The following ZFHX3 variants were observed in gnomAD, a reference collection of about 807,000 sequenced individuals.
The protein encoded by ZFHX3 is zinc finger homeobox 3.
ZFHX3 carries 42 observed loss-of-function variants against 279.1 expected under a neutral mutation model. The observed-to-expected ratio is 0.15, with a 90% CI of 0.12 to 0.19. ZFHX3 has a LOEUF of 0.19. Ranked by LOEUF, ZFHX3 falls within the 10% of genes least tolerant of loss-of-function variation. The pLI, the probability that ZFHX3 is intolerant of heterozygous loss-of-function variation, is 1.00. For missense variants in ZFHX3, 4,981 were observed against 4,754.0 expected (o/e 1.05, Z -1.40); for synonymous variants, 2,293 against 1,957.8 (o/e 1.17, Z -4.52).
chr16:73,384,892 A>T (rs2016871948), intron 3 of ZFHX3, among the ~76,000 whole-genome samples: 1 of 152,206 alleles, frequency 6.6e-6, no homozygotes, highest in South Asian at 2.1e-4. Context: ...CCCAATCAGC[A>T]TCTTGCATCC....
At chr16:72,951,135 A>T (rs920017347) in intron 2 of ZFHX3, among the ~76,000 whole-genome samples, 170 bp from the exon 3 acceptor site, 1 of 152,162 alleles carries the variant, frequency 6.6e-6, no homozygotes, top group Non-Finnish European at 1.5e-5. Flanking sequence ...AAACAAACAC[A>T]GTCAACCTGA....
At chr16:73,620,184 G>T (rs556353990) in intron 2 of ZFHX3, among the ~76,000 whole-genome samples, 1 of 152,100 alleles carries the variant, frequency 6.6e-6, no homozygotes, top group African/African-American at 2.4e-5. Context: ...GATGGGTGGG[G>T]GCACCCAGCA....
chr16:73,150,982 AC>A (rs1258924564), intron 5 of ZFHX3, among the ~76,000 whole-genome samples: 1 of 152,228 alleles, frequency 6.6e-6, no homozygotes, highest in African/African-American at 2.4e-5. Context: ...GAAGTCTTAC[AC>A]AGAATGGGCA....
chr16:73,141,948 T>C (rs1457015674), intron 6 of ZFHX3, among the ~76,000 whole-genome samples: 1 of 152,212 alleles, frequency 6.6e-6, no homozygotes, highest in East Asian at 1.9e-4. Flanking sequence ...TCAGGGTTTA[T>C]ACTGAGTTGG....
At chr16:73,888,993 C>T (rs1012274407) in intron 1 of ZFHX3, among the ~76,000 whole-genome samples, 4 of 151,470 alleles carry the variant, frequency 2.6e-5, no homozygotes, top group Non-Finnish European at 5.9e-5. Context: ...TCATCAAACA[C>T]CTCCAGGCTC....
rs558493293 is a variant in ZFHX3, at chr16:73,729,443, C to T, written c.-1607-49203G>A. On this transcript the variant is annotated intron_variant, in intron 1 of 17. Transcript: ENST00000641206. ...ACTTGGGAGGCTGAGTCTGGAGAAT[C>T]GCTTGAACCTGGGCGGCAGAGGCTG... 2.4e-3 allele frequency among the ~76,000 whole-genome samples: 363 copies of T among 152,202 alleles called. 2 individuals carry two copies. Among genetic ancestry groups the T allele is most frequent in the South Asian group, 0.014 (67 of 4,820 alleles).
At chr16:73,716,433 C>T (rs945309389) in intron 1 of ZFHX3, among the ~76,000 whole-genome samples, 2 of 152,104 alleles carry the variant, frequency 1.3e-5, no homozygotes, top group Non-Finnish European at 2.9e-5. Flanking sequence ...GCCAGGAAAT[C>T]GCAATTAAAA....
intron 1 of ZFHX3, among the ~76,000 whole-genome samples, chr16:73,853,904 T>G (rs1423339248): frequency 1.3e-5 from 2 of 152,200 alleles, no homozygotes; most frequent in Non-Finnish European, 2.9e-5. Context: ...TTGTTGTAAG[T>G]GACAATAGGT....
At position 73,327,587 on chromosome 16, in the gene ZFHX3, C is replaced by T. The variant is rs971427153; in HGVS notation, c.-1290-9251G>A. On this transcript the variant is annotated intron_variant, in intron 3 of 17. Coordinates refer to the ZFHX3 transcript ENST00000641206. Reference sequence around the variant, plus strand: ...ACCTGGCAGATGAATGAAAGATGCTCCAAGGATAACCTAAATTGGACTTCA... The same window carrying T: ...ACCTGGCAGATGAATGAAAGATGCTTCAAGGATAACCTAAATTGGACTTCA... Among the ~76,000 whole-genome samples, 7 of 152,172 alleles carry T rather than the reference C, an allele frequency of 4.6e-5. 1 individual carries two copies. The highest frequency in any genetic ancestry group is 2.0e-4 in the Admixed American group (3 of 15,282).
intron 2 of ZFHX3, among the ~76,000 whole-genome samples, chr16:73,662,231 C>T (rs1004188805): frequency 6.6e-6 from 1 of 152,138 alleles, no homozygotes; most frequent in Non-Finnish European, 1.5e-5. Context: ...AGCATTATAA[C>T]CAATTATTAG....
intron 1 of ZFHX3, among the ~76,000 whole-genome samples, chr16:73,033,657 A>G (rs937958141): frequency 6.6e-6 from 1 of 152,006 alleles, no homozygotes; most frequent in African/African-American, 2.4e-5. Context: ...ACACTTTCAC[A>G]GTTTTTTTCC....
chr16:73,277,257 C>G (rs1474642621), intron 4 of ZFHX3, among the ~76,000 whole-genome samples: 5 of 152,156 alleles, frequency 3.3e-5, no homozygotes, highest in Admixed American at 3.3e-4. Flanking sequence ...TCCTTGTTTT[C>G]TATCGAATGA....
At chr16:73,256,715 T>C (rs1384942780) in intron 5 of ZFHX3, among the ~76,000 whole-genome samples, 1 of 152,182 alleles carries the variant, frequency 6.6e-6, no homozygotes, top group Non-Finnish European at 1.5e-5. Context: ...ATTTTGCAGA[T>C]GAAAAAACTG....
rs3081625 is a variant in ZFHX3, at chr16:73,004,159, CTTTTTTTTTTT to C, written c.-50+43582_-50+43592del. On this transcript the variant is annotated intron_variant, in intron 1 of 9. Transcript: ENST00000268489. The stretch of plus-strand genomic sequence containing the variant: ...CAATAATAACTACATAAAAACACGA[CTTTTTTTTTTT>C]TTTTTTTTTTTTTTAAGTAGAGACA... Among the ~76,000 whole-genome samples the C allele has an allele frequency of 2.4e-4, 12 of 49,372 alleles. No individual in the cohort carries two copies. In the South Asian group the frequency reaches 3.0e-3, roughly 12 times the overall value. 32.4% of individuals were successfully genotyped at this position (49,372 alleles called of 152,430 possible). A position where few individuals can be genotyped will look rare whatever the true frequency, so the allele number is the denominator to read the frequency against.
intron 5 of ZFHX3, among the ~76,000 whole-genome samples, chr16:72,824,232 T>G (rs1446834175): frequency 6.6e-6 from 1 of 152,186 alleles, no homozygotes; most frequent in Non-Finnish European, 1.5e-5. Context: ...ATTGGAATCA[T>G]GCCTGCCAGC....
intron 2 of ZFHX3, among the ~76,000 whole-genome samples, chr16:73,521,550 G>A (rs971950273): frequency 6.6e-6 from 1 of 152,060 alleles, no homozygotes; most frequent in African/African-American, 2.4e-5. Flanking sequence ...TCTCATACTT[G>A]TTCTGTCCCC....
chr16:72,843,202 G>C (rs1865054193), intron 4 of ZFHX3, among the ~76,000 whole-genome samples: 1 of 152,056 alleles, frequency 6.6e-6, no homozygotes, highest in African/African-American at 2.4e-5. Context: ...GATTGGAGCA[G>C]GATAGGGCTC....
At chr16:73,226,177 A>G (rs912287443) in intron 5 of ZFHX3, among the ~76,000 whole-genome samples, 1 of 152,334 alleles carries the variant, frequency 6.6e-6, no homozygotes, top group Middle Eastern at 3.4e-3. Flanking sequence ...AGGCAGGACA[A>G]CTGTAACTGA....
chr16:73,702,939 C>T (rs967236933), intron 1 of ZFHX3, among the ~76,000 whole-genome samples: 2 of 151,898 alleles, frequency 1.3e-5, no homozygotes, highest in African/African-American at 4.8e-5. Flanking sequence ...CTAATGGTGT[C>T]GGTATAATTA....
Sources: allele counts gnomAD v4.1 joint callset (sites outside exome capture counted in the v4.1 genomes callset), GRCh38; gene constraint gnomAD v4.1.1; transcripts MANE v1.5; gene names NCBI Gene and HGNC (gene_info 2026-07-23, HGNC 2026-07-21).